LCT: variants seen among roughly 807,000 people sequenced by gnomAD.
LCT encodes lactase, also known as lactase/phlorizin hydrolase.
LCT carries 90 observed loss-of-function variants against 173.0 expected under a neutral mutation model. The ratio of observed to expected loss-of-function variants is 0.52; its 90% CI spans 0.44 to 0.62. LCT has a LOEUF of 0.62. LCT is among the 20% of genes least tolerant of loss of function. LCT has a pLI of 0.00. For synonymous variants in LCT, 853 were observed against 957.6 expected (o/e 0.89, Z 2.02); for missense variants, 1,864 against 2,431.4 (o/e 0.77, Z 4.91).
chr2:135,812,792 C>T lies in LCT; in HGVS notation c.1872G>A (p.Leu624=), dbSNP rs2077746328. ...GTGCAAACCAGCCCAGCATGAAGTGCAAGAAGCGCTCAGAGGCTCTCAGGT... is the reference window on the plus strand; with the variant it reads ...GTGCAAACCAGCCCAGCATGAAGTGTAAGAAGCGCTCAGAGGCTCTCAGGT... The part of the protein sequence containing the change: ...PEDLRASERF[L]HFMLGWFAHP... The change falls in exon 7 of 17, where the codon TTG becomes TTA. Residue 624 remains leucine, a synonymous_variant. Coordinates refer to ENST00000264162, the MANE Select transcript of LCT (RefSeq NM_002299.4). The T allele has an allele frequency of 6.2e-7, 1 of 1,614,186 alleles. No individual in the cohort carries two copies.
At chr2:135,789,903 A>T in intron 15 of LCT, 105 bp from the exon 16 acceptor site, 6 of 876,608 alleles carry the variant, frequency 6.8e-6, no homozygotes, top group Non-Finnish European at 1.2e-5. Flanking sequence ...CACCGCCTTC[A>T]CAGATGGCGG....
intron 9 of LCT, among the ~76,000 whole-genome samples, chr2:135,806,078 G>A (rs2077668423): frequency 6.6e-6 from 1 of 152,088 alleles, no homozygotes; most frequent in Non-Finnish European, 1.5e-5. Context: ...CAGCTAATGG[G>A]GAGGCTGAGT....
chr2:135,803,215 G>A (rs1013929477), intron 11 of LCT, among the ~76,000 whole-genome samples: 3 of 152,140 alleles, frequency 2.0e-5, no homozygotes, highest in Non-Finnish European at 4.4e-5. Flanking sequence ...ACAAAGAAAT[G>A]ATGAATGTTT....
intron 16 of LCT, 53 bp from the exon 17 acceptor site, chr2:135,788,597 C>T (rs1559547110): frequency 9.4e-6 from 11 of 1,168,246 alleles, no homozygotes; most frequent in Non-Finnish European, 1.4e-5. Context: ...TTTGAGTTCT[C>T]AGATCTCTGA....
At position 135,804,231 on chromosome 2, in the gene LCT, C is replaced by T; in HGVS notation, c.4465-103G>A. ...CGTCTGCTGCAAATCCTGAGAGTGACTTATGAGACAAAAAGGCTCAAAGAT... is the reference window on the plus strand; with the variant it reads ...CGTCTGCTGCAAATCCTGAGAGTGATTTATGAGACAAAAAGGCTCAAAGAT... On this transcript the variant is annotated intron_variant, in intron 10 of 16. Transcript: ENST00000264162. The T allele has an allele frequency of 4.4e-6, 4 of 916,820 alleles. No homozygotes were observed. In the South Asian group the frequency reaches 5.4e-5, roughly 12 times the overall value. The allele number at this position is 916,820 out of a possible 1,614,324, so 56.8% of individuals were successfully genotyped here.
chr2:135,788,877 A>G (rs2077512324), intron 16 of LCT, among the ~76,000 whole-genome samples: 1 of 152,186 alleles, frequency 6.6e-6, no homozygotes, highest in Non-Finnish European at 1.5e-5. Flanking sequence ...TGGGGATGGG[A>G]CCCAGGTCTA....
intron 6 of LCT, among the ~76,000 whole-genome samples, chr2:135,815,239 T>A (rs537738983): frequency 6.6e-6 from 1 of 152,278 alleles, no homozygotes; most frequent in African/African-American, 2.4e-5. Context: ...CATTCTAACA[T>A]TGAACTAATA....
rs779975890 is a variant in LCT, at chr2:135,836,961, G to C, written c.209C>G (p.Thr70Ser). 43 of 1,614,114 alleles carry C rather than the reference G, an allele frequency of 2.7e-5. No individual in the cohort carries two copies. The Admixed American group carries it at 3.3e-4, about 13-fold the overall frequency. Reference sequence around the variant, plus strand: ...ACTGCTGAAGTATTCTGGCAGGAAAGTGGGCAGTGGCTGGTGACAAACATA... The same window carrying C: ...ACTGCTGAAGTATTCTGGCAGGAAACTGGGCAGTGGCTGGTGACAAACATA... ...DMYVCHQPLP[T>S]FLPEYFSSLH... Residue 70 changes from threonine to serine, a missense_variant, in exon 1 of 17, where the codon ACT (threonine) becomes AGT (serine). By Grantham distance (58) the Thr-to-Ser change is moderately conservative (BLOSUM62 1). Transcript: ENST00000264162.
chr2:135,832,903 C>A (rs2077951388), intron 2 of LCT, among the ~76,000 whole-genome samples: 1 of 152,062 alleles, frequency 6.6e-6, no homozygotes. Context: ...GTGGCTTCTT[C>A]CTGCAGGGAA....
At chr2:135,836,211 G>T (rs1324689664) in intron 1 of LCT, among the ~76,000 whole-genome samples, 2 of 151,662 alleles carry the variant, frequency 1.3e-5, no homozygotes, top group Non-Finnish European at 2.9e-5. Context: ...TAGAGACGGG[G>T]TTTTGCCATA....
At chr2:135,797,813 G>A (rs1394886520) in intron 13 of LCT, among the ~76,000 whole-genome samples, 3 of 152,160 alleles carry the variant, frequency 2.0e-5, no homozygotes, top group African/African-American at 7.2e-5. Context: ...GGATAGCCTT[G>A]GAACAGATTT....
chr2:135,815,682 G>GTATTAT (rs57008352), intron 6 of LCT, among the ~76,000 whole-genome samples: 8,715 of 150,754 alleles, frequency 0.058, 361 homozygotes, highest in Middle Eastern at 0.2. Flanking sequence ...ACAGGAAATA[G>GTATTAT]TATTATTATT....
intron 3 of LCT, among the ~76,000 whole-genome samples, chr2:135,825,966 G>C (rs773501225): frequency 6.6e-6 from 1 of 152,200 alleles, no homozygotes; most frequent in African/African-American, 2.4e-5. Context: ...AGGCTCAGCT[G>C]TTCTCCCTGT....
chr2:135,835,399 G>A (rs1278721653), intron 1 of LCT, among the ~76,000 whole-genome samples: 2 of 149,426 alleles, frequency 1.3e-5, no homozygotes, highest in East Asian at 3.9e-4. Context: ...TTATAGGCAT[G>A]AGCCACCATG....
intron 4 of LCT, chr2:135,822,475 A>G (rs914047567): frequency 3.1e-5 from 7 of 226,832 alleles, no homozygotes; most frequent in African/African-American, 1.6e-4. Flanking sequence ...CAACTTTGGG[A>G]ACAATTGATT....
intron 1 of LCT, among the ~76,000 whole-genome samples, chr2:135,835,962 A>C (rs1181757382): frequency 7.1e-6 from 1 of 140,918 alleles, no homozygotes; most frequent in Non-Finnish European, 1.5e-5. Flanking sequence ...GGGGTATTTC[A>C]AAAATACATG....
At chr2:135,821,771 T>C in intron 5 of LCT, 1 of 507,980 alleles carries the variant, frequency 2.0e-6, no homozygotes, top group Non-Finnish European at 3.6e-6. Flanking sequence ...ATTACAGGTG[T>C]GAGCCATCAT....
chr2:135,814,124 T>C (rs1366332412), intron 6 of LCT, among the ~76,000 whole-genome samples: 1 of 152,246 alleles, frequency 6.6e-6, no homozygotes, highest in African/African-American at 2.4e-5. Context: ...TGCTAAATCT[T>C]AGCTTGCTTT....
At chr2:135,795,045 G>GCGCACACACA (rs766023610) in intron 13 of LCT, among the ~76,000 whole-genome samples, 5 of 149,826 alleles carry the variant, frequency 3.3e-5, no homozygotes, top group African/African-American at 1.2e-4. Context: ...GCGCGCGCGC[G>GCGCACACACA]CACACACACA....
Sources: gnomAD v4.1 joint callset for allele counts (sites outside exome capture counted in the v4.1 genomes callset) on GRCh38, gnomAD v4.1.1 for gene constraint, MANE v1.5 for transcripts, NCBI Gene and HGNC (gene_info 2026-07-23, HGNC 2026-07-21) for gene names.